The following CRAMP1 variants were observed in gnomAD, a reference collection of about 807,000 sequenced individuals.
CRAMP1 encodes the protein cramped chromatin regulator 1.
CRAMP1 carries 50 observed loss-of-function variants against 115.4 expected under a neutral mutation model. The observed-to-expected ratio is 0.43, with a 90% CI of 0.35 to 0.55. The LOEUF is 0.55. CRAMP1 is among the 20% of genes least tolerant of loss of function. The pLI, the probability that CRAMP1 is intolerant of heterozygous loss-of-function variation, is 0.01. For synonymous variants in CRAMP1, 866 were observed against 745.4 expected, an observed-to-expected ratio of 1.16 and a Z score of -2.64; for missense variants, 1,679 against 1,721.7, an observed-to-expected ratio of 0.98 and a Z score of 0.44.
chr16:1,624,159 C>CTT (rs1215391542), intron 2 of CRAMP1, among the ~76,000 whole-genome samples: 47 of 142,628 alleles, frequency 3.3e-4, no homozygotes, highest in African/African-American at 1.2e-3. Context: ...TTTTTAAGTT[C>CTT]TTTTTTTTTT....
intron 2 of CRAMP1, among the ~76,000 whole-genome samples, chr16:1,625,183 A>G (rs964908775): frequency 3.9e-5 from 6 of 151,964 alleles, no homozygotes; most frequent in African/African-American, 1.5e-4. Context: ...GGTGGGAGGA[A>G]TGTGTTAGGC....
Position 1,614,012 on chromosome 16 carries a change from C to T in CRAMP1, c.-1-627C>T, listed in dbSNP as rs370197108. Among the ~76,000 whole-genome samples the T allele has an allele frequency of 3.3e-5, 5 of 151,574 alleles. No homozygotes were observed. The East Asian group carries it at 9.8e-4, about 30-fold the overall frequency. Reference sequence around the variant, plus strand: ...CGGGCAGGCGAGCCCGCGCTTCTCCCGTCCCGGGGTGGATCCGGCCTCCTC... The same window carrying T: ...CGGGCAGGCGAGCCCGCGCTTCTCCTGTCCCGGGGTGGATCCGGCCTCCTC... On this transcript the variant is annotated intron_variant, in intron 1 of 20. Coordinates refer to ENST00000397412, the MANE Select transcript of CRAMP1 (RefSeq NM_020825.4). The surrounding 1 kb of genome is among the most constrained non-coding windows in gnomAD (Gnocchi z 4.4).
chr16:1,645,328 AG>A, intron 6 of CRAMP1: 1 of 247,194 alleles, frequency 4.0e-6, no homozygotes, highest in Non-Finnish European at 8.7e-6. Context: ...CTGGGATTAC[AG>A]GCGCCCACCA....
At position 1,656,203 on chromosome 16, in the gene CRAMP1, C is replaced by T. The variant is rs1445721019; in HGVS notation, c.1446C>T (p.Ala482=). ...GVGRPPPAAD[A]LQSSGESSPE... ...GGCGGCCCCCTCCTGCGGCTGACGC[C>T]TTGCAGAGCTCCGGAGAGAGTTCCC... The change falls in exon 10 of 21, where the codon GCC becomes GCT. Residue 482 remains alanine, a synonymous_variant. Coordinates refer to ENST00000397412, the MANE Select transcript of CRAMP1 (RefSeq NM_020825.4). This position sits in a 1 kb window ranked among gnomAD's most constrained non-coding sequence, Gnocchi z 5.6. 6.2e-7 allele frequency: 1 copy of T among 1,603,620 alleles called. No individual in the cohort carries two copies. Among genetic ancestry groups the T allele is most frequent in the Non-Finnish European group, 8.5e-7 (1 of 1,176,004 alleles).
chr16:1,661,207 A>G (rs1312667693), intron 11 of CRAMP1, among the ~76,000 whole-genome samples: 16 of 152,180 alleles, frequency 1.1e-4, no homozygotes, highest in Admixed American at 1.0e-3. Context: ...CTGTGGTCCC[A>G]GCTACTCGGG....
intron 10 of CRAMP1, among the ~76,000 whole-genome samples, chr16:1,658,932 G>C (rs1464043297): frequency 1.3e-5 from 2 of 152,152 alleles, no homozygotes; most frequent in African/African-American, 4.8e-5. Flanking sequence ...AGGCTGGGGT[G>C]CTGGCCGAGT....
At chr16:1,663,193 C>T (rs906767488) in intron 13 of CRAMP1, among the ~76,000 whole-genome samples, 1 of 152,222 alleles carries the variant, frequency 6.6e-6, no homozygotes, top group Non-Finnish European at 1.5e-5. Context: ...CCAGGCCTCT[C>T]ATGAGCTCCC....
chr16:1,657,980 G>C (rs1355296708), intron 10 of CRAMP1, among the ~76,000 whole-genome samples: 2 of 152,134 alleles, frequency 1.3e-5, no homozygotes, highest in African/African-American at 4.8e-5. Context: ...GGGGGACTCG[G>C]GACTCGGGCG....
intron 2 of CRAMP1, chr16:1,625,619 C>T (rs968815046): frequency 2.3e-5 from 4 of 176,588 alleles, no homozygotes; most frequent in African/African-American, 4.7e-5. Flanking sequence ...AAAAGAAATA[C>T]GCATGAAATG....
intron 20 of CRAMP1, 41 bp from the exon 21 acceptor site, chr16:1,673,840 A>G (rs763530714): frequency 1.2e-6 from 2 of 1,604,352 alleles, no homozygotes; most frequent in African/African-American, 1.3e-5. Context: ...AAGGGCCAGC[A>G]GGTCGCGGTG....
chr16:1,642,540 G>A lies in CRAMP1; in HGVS notation c.827+1353G>A, dbSNP rs565691227. 5.3e-5 allele frequency among the ~76,000 whole-genome samples: 8 copies of A among 152,302 alleles called. No individual in the cohort carries two copies. The East Asian group carries it at 1.5e-3, about 29-fold the overall frequency. On this transcript the variant is annotated intron_variant, in intron 6 of 20. Coordinates refer to ENST00000397412, the MANE Select transcript of CRAMP1 (RefSeq NM_020825.4). ...GGAGGGTGTTCACCGCCTTGCCCAG[G>A]CGCCCCTCCCAGCTTCAGAGCCCTG...
intron 6 of CRAMP1, among the ~76,000 whole-genome samples, chr16:1,644,825 G>A (rs558908499): frequency 6.6e-5 from 10 of 152,122 alleles, no homozygotes; most frequent in South Asian, 2.1e-4. Context: ...AGATGGGGAC[G>A]CTGTTGGAGG....
In CRAMP1 at chr16:1,662,418, A is replaced by G. The variant is rs1475982527; in HGVS notation, c.2414-72A>G. ...GAATGTCTTTCTGACTTTCTTCCCA[A>G]CGGAATTCCGTGACCCTGGACCTGT... On this transcript the variant is annotated intron_variant, in intron 11 of 20. Transcript: ENST00000397412. The G allele has an allele frequency of 4.4e-5, 56 of 1,274,224 alleles. No homozygotes were observed. The East Asian group carries it at 4.9e-4, about 11-fold the overall frequency. 78.9% of individuals were successfully genotyped at this position (1,274,224 alleles called of 1,614,324 possible). A position where few individuals can be genotyped will look rare whatever the true frequency, so the allele number is the denominator to read the frequency against.
At position 1,676,354 on chromosome 16, in the gene CRAMP1, T is replaced by G. The variant is rs2036967920; in HGVS notation, c.*2309T>G. ...TGACAAGAGTTCTAGAGGATTCTGC[T>G]TCTCTAGTAACTAGACAGGTGATAC... On this transcript the variant is annotated 3_prime_UTR_variant, in exon 21 of 21. Coordinates refer to ENST00000397412, the MANE Select transcript of CRAMP1 (RefSeq NM_020825.4). 1 of 152,308 alleles carries G rather than the reference T, an allele frequency of 6.6e-6. No homozygotes were observed. Among genetic ancestry groups the G allele is most frequent in the African/African-American group, 2.4e-5 (1 of 41,462 alleles). 9.4% of individuals were successfully genotyped at this position (152,308 alleles called of 1,614,324 possible).
At chr16:1,626,221 T>G (rs921758794) in intron 3 of CRAMP1, 55 bp downstream of exon 3, 21 of 1,391,356 alleles carry the variant, frequency 1.5e-5, no homozygotes, top group Admixed American at 8.6e-5. Context: ...CTCGGATCCC[T>G]GCCCTCCGTT....
Position 1,662,475 on chromosome 16 carries a change from C to T in CRAMP1, c.2414-15C>T, listed in dbSNP as rs377108290. 6.2e-7 allele frequency: 1 copy of T among 1,604,234 alleles called. No individual in the cohort carries two copies. On this transcript the variant is annotated splice_polypyrimidine_tract_variant and intron_variant, in intron 11 of 20. Transcript: ENST00000397412. Reference sequence around the variant, plus strand: ...GTGAATGCTGTCACACTGATTCTCTCCTCTCCTCTCCCAGGTTTGAGAAAC... The same window carrying T: ...GTGAATGCTGTCACACTGATTCTCTTCTCTCCTCTCCCAGGTTTGAGAAAC...
intron 3 of CRAMP1, among the ~76,000 whole-genome samples, chr16:1,628,249 G>C (rs560667244): frequency 1.3e-5 from 2 of 152,278 alleles, no homozygotes; most frequent in African/African-American, 4.8e-5. Context: ...GCAAGAGAAA[G>C]GACTTTTTGT....
At chr16:1,660,314 A>G (rs912413169) in intron 11 of CRAMP1, among the ~76,000 whole-genome samples, 17 of 152,326 alleles carry the variant, frequency 1.1e-4, no homozygotes, top group Admixed American at 7.8e-4. Context: ...AGCCTTTGCC[A>G]GTCTGGTGAC....
rs555900851 is a variant in CRAMP1, at chr16:1,617,389, A to G, written c.346+2404A>G. On this transcript the variant is annotated intron_variant, in intron 2 of 20. Coordinates refer to ENST00000397412, the MANE Select transcript of CRAMP1 (RefSeq NM_020825.4). Reference sequence around the variant, plus strand: ...TCAGTCGTTGCTTCCATTACCCGTCAGAAAAGAAGGCCAGGTGGTGGCAGT... The same window carrying G: ...TCAGTCGTTGCTTCCATTACCCGTCGGAAAAGAAGGCCAGGTGGTGGCAGT... 2.6e-5 allele frequency among the ~76,000 whole-genome samples: 4 copies of G among 152,378 alleles called. No individual in the cohort carries two copies. In the East Asian group the frequency reaches 7.7e-4, roughly 29 times the overall value.
Sources: allele counts gnomAD v4.1 joint callset (sites outside exome capture counted in the v4.1 genomes callset), GRCh38; gene constraint gnomAD v4.1.1; non-coding constraint Gnocchi (gnomAD v3.1); transcripts MANE v1.5; gene names NCBI Gene and HGNC (gene_info 2026-07-23, HGNC 2026-07-21).